CEP126: variants seen among roughly 807,000 people sequenced by gnomAD.
CEP126 encodes the protein centrosomal protein 126.
CEP126 carries 74 observed loss-of-function variants against 107.8 expected under a neutral mutation model. The observed-to-expected ratio is 0.69, with a 90% CI of 0.57 to 0.83. The LOEUF is 0.83. Among genes scored for constraint, CEP126 ranks in the 40% least tolerant of loss-of-function variants. CEP126 has a pLI of 0.00. For synonymous variants in CEP126, 449 were observed against 446.0 expected (o/e 1.01, Z -0.08); for missense variants, 1,237 against 1,281.9 (o/e 0.96, Z 0.53).
chr11:101,996,222 GT>G, intron 10 of CEP126, among the ~76,000 whole-genome samples: 1 of 152,334 alleles, frequency 6.6e-6, no homozygotes, highest in Admixed American at 6.5e-5. Context: ...ACATTCGGCA[GT>G]TTCCATAGAT....
chr11:101,961,214 A>G (rs943186856), intron 5 of CEP126, among the ~76,000 whole-genome samples: 1 of 152,066 alleles, frequency 6.6e-6, no homozygotes, highest in African/African-American at 2.4e-5. Context: ...ACAGTTCTTT[A>G]TGTGATTTTA....
chr11:101,950,067 G>C (rs185877681), intron 4 of CEP126, among the ~76,000 whole-genome samples: 35 of 152,288 alleles, frequency 2.3e-4, no homozygotes, highest in Middle Eastern at 6.8e-3. Flanking sequence ...TTGGAGCAGA[G>C]TCAAGTAGAG....
intron 6 of CEP126, among the ~76,000 whole-genome samples, chr11:101,975,456 TAGA>T (rs1312973762): frequency 3.3e-5 from 5 of 152,228 alleles, no homozygotes; most frequent in African/African-American, 1.2e-4. Context: ...GTGTAAGAGC[TAGA>T]AGTTTAGATT....
chr11:101,980,644 G>T (rs1941244734), intron 7 of CEP126, among the ~76,000 whole-genome samples: 3 of 152,058 alleles, frequency 2.0e-5, no homozygotes, highest in Admixed American at 2.0e-4. Context: ...ACTTGTTTTT[G>T]TTTTTTATTC....
rs768970028 is a variant in CEP126 at position 101,992,801 on chromosome 11, A to C, written c.3268A>C (p.Asn1090His). Reference protein sequence around the residue: ...LHYIQESICKNPSIKNTLQII... With the variant: ...LHYIQESICKHPSIKNTLQII... Reference sequence around the variant, plus strand: ...AGATATACAAGAATCCATTTGCAAAAACCCATCCATCAAAAATACTTTACA... The same window carrying C: ...AGATATACAAGAATCCATTTGCAAACACCCATCCATCAAAAATACTTTACA... Residue 1090 changes from asparagine to histidine, a missense_variant, in exon 10 of 11, where the codon AAC becomes CAC. This residue lies in a region of CEP126 where 99 missense variants were observed against 114.4 expected (regional missense o/e 0.87). Coordinates refer to ENST00000263468, the MANE Select transcript of CEP126 (RefSeq NM_020802.4). The C allele has an allele frequency of 3.9e-6, 6 of 1,524,474 alleles. No homozygotes were observed. The highest frequency in any genetic ancestry group is 5.3e-6 in the Non-Finnish European group (6 of 1,131,368). The allele number at this position is 1,524,474 out of a possible 1,614,324, so 94.4% of individuals were successfully genotyped here.
intron 9 of CEP126, among the ~76,000 whole-genome samples, chr11:101,991,378 A>G (rs2137135316): frequency 6.6e-6 from 1 of 152,284 alleles, no homozygotes; most frequent in Non-Finnish European, 1.5e-5. Context: ...AAAAATTATG[A>G]GACATACAAA....
chr11:101,927,415 C>G (rs769629432), intron 2 of CEP126, among the ~76,000 whole-genome samples: 3 of 152,026 alleles, frequency 2.0e-5, no homozygotes, highest in Non-Finnish European at 4.4e-5. Context: ...TACCTTTTAC[C>G]CAGTTTCCCC....
chr11:101,941,032 G>A (rs550948986), intron 2 of CEP126, among the ~76,000 whole-genome samples: 4 of 152,266 alleles, frequency 2.6e-5, no homozygotes, highest in African/African-American at 9.6e-5. Flanking sequence ...CTTGACACAT[G>A]ATTTTAATCT....
intron 2 of CEP126, among the ~76,000 whole-genome samples, chr11:101,939,440 G>A (rs1940636661): frequency 1.3e-5 from 2 of 152,218 alleles, no homozygotes; most frequent in Admixed American, 6.5e-5. Context: ...TATTAATGTA[G>A]TCAAATAAAT....
intron 8 of CEP126, 123 bp downstream of exon 8, chr11:101,982,087 T>A: frequency 1.8e-6 from 1 of 567,118 alleles, no homozygotes; most frequent in Non-Finnish European, 3.1e-6. Flanking sequence ...ACCTGAACTC[T>A]CCTCACCCCT....
chr11:101,983,504 T>G (rs1287479994), intron 8 of CEP126, among the ~76,000 whole-genome samples: 6 of 152,186 alleles, frequency 3.9e-5, no homozygotes, highest in Non-Finnish European at 7.3e-5. Flanking sequence ...TCTATCATGA[T>G]GAACTGAAAA....
At chr11:101,955,754 C>G in intron 4 of CEP126, 1 of 390,144 alleles carries the variant, frequency 2.6e-6, no homozygotes, top group Non-Finnish European at 5.1e-6. Flanking sequence ...AAGGCTGTCT[C>G]TCTGCCTGCC....
chr11:101,973,565 A>C (rs1264392918), intron 6 of CEP126, among the ~76,000 whole-genome samples: 1 of 152,196 alleles, frequency 6.6e-6, no homozygotes, highest in South Asian at 2.1e-4. Context: ...CCGGGGCTTA[A>C]TACCTAGGTG....
intron 4 of CEP126, among the ~76,000 whole-genome samples, chr11:101,954,332 T>G (rs1940855597): frequency 6.6e-6 from 1 of 152,128 alleles, no homozygotes; most frequent in South Asian, 2.1e-4. Flanking sequence ...AGACAGATAT[T>G]TTCAATTTTT....
intron 2 of CEP126, among the ~76,000 whole-genome samples, chr11:101,927,840 T>C (rs1430168840): frequency 6.6e-6 from 1 of 152,224 alleles, no homozygotes; most frequent in Non-Finnish European, 1.5e-5. Flanking sequence ...CAGTCTATTA[T>C]AAATGAAGTT....
chr11:101,992,524 G>A (rs1050842945), intron 9 of CEP126, among the ~76,000 whole-genome samples: 4 of 151,814 alleles, frequency 2.6e-5, no homozygotes, highest in African/African-American at 9.7e-5. Flanking sequence ...AATGAAGATC[G>A]TTATATAATA....
intron 2 of CEP126, among the ~76,000 whole-genome samples, chr11:101,935,026 A>G (rs539331101): frequency 6.6e-6 from 1 of 152,176 alleles, no homozygotes; most frequent in South Asian, 2.1e-4. Context: ...AGCATTGTGC[A>G]TGTGAGTCCC....
intron 8 of CEP126, among the ~76,000 whole-genome samples, chr11:101,983,687 G>A (rs1941283765): frequency 6.6e-6 from 1 of 152,188 alleles, no homozygotes; most frequent in Non-Finnish European, 1.5e-5. Flanking sequence ...AGAAGTATAT[G>A]TTACTGATGA....
Position 101,986,867 on chromosome 11 carries a change from A to G in CEP126, c.3070A>G (p.Asn1024Asp). The change falls in exon 9 of 11, where the codon AAC becomes GAC. Residue 1024 changes from asparagine (N) to aspartate (D), a missense_variant. Asn to Asp is a conservative substitution (Grantham distance 23). This residue lies in a region of CEP126 where 99 missense variants were observed against 114.4 expected (regional missense o/e 0.87). Transcript: ENST00000263468. ...TACTTCTGAGTTTTTGATGGCTGAA[A>G]ACTTAGTGAAAGCATCAGTGCCGGA... ...DSTSEFLMAE[N>D]LVKASVPEDE... 1 of 1,613,850 alleles carries G rather than the reference A, an allele frequency of 6.2e-7. No homozygotes were observed. Among genetic ancestry groups the G allele is most frequent in the Non-Finnish European group, 8.5e-7 (1 of 1,179,858 alleles).
Sources: allele counts gnomAD v4.1 joint callset (sites outside exome capture counted in the v4.1 genomes callset), GRCh38; gene constraint gnomAD v4.1.1; regional missense constraint gnomAD v4.1.1; transcripts MANE v1.5; gene names NCBI Gene and HGNC (gene_info 2026-07-23, HGNC 2026-07-21).